The following ITGBL1 variants were observed in gnomAD, a reference collection of about 807,000 sequenced individuals.
ITGBL1 encodes integrin subunit beta like 1.
A neutral mutation model predicts 68.5 loss-of-function variants in ITGBL1; 51 were observed. That is an observed-to-expected ratio of 0.74 (90% CI 0.59 to 0.94). The LOEUF is 0.94. Ranked by LOEUF, ITGBL1 falls within the 40% of genes least tolerant of loss-of-function variation. The probability of loss-of-function intolerance (pLI) is 0.00; values close to 1 mark genes in which losing one functional copy is unlikely to be tolerated. For synonymous variants in ITGBL1, 209 were observed against 227.3 expected, an observed-to-expected ratio of 0.92 and a Z score of 0.72; for missense variants, 649 against 647.4, an observed-to-expected ratio of 1.00 and a Z score of -0.03.
At position 101,598,315 on chromosome 13, in the gene ITGBL1, C is replaced by T; in HGVS notation, c.1015+16C>T. 1 of 1,572,234 alleles carries T rather than the reference C, an allele frequency of 6.4e-7. No individual in the cohort carries two copies. Among genetic ancestry groups the T allele is most frequent in the Non-Finnish European group, 8.6e-7 (1 of 1,160,544 alleles). On this transcript the variant is annotated intron_variant, in intron 7 of 10. Transcript: ENST00000376180. ...TCTGGGAGGGGTAAGTGAGGTCTCT[C>T]AGGGCTTCCCACGGCCTCTCCATCA...
chr13:101,595,892 G>A (rs2029931612), intron 6 of ITGBL1, among the ~76,000 whole-genome samples: 1 of 152,114 alleles, frequency 6.6e-6, no homozygotes, highest in Non-Finnish European at 1.5e-5. Context: ...GCACTCCCAT[G>A]GTCACTGCAG....
At chr13:101,659,040 T>TTTTC in intron 7 of ITGBL1, among the ~76,000 whole-genome samples, 1 of 19,094 alleles carries the variant, frequency 5.2e-5, no homozygotes, top group East Asian at 7.6e-3. Flanking sequence ...GGTGATTGAA[T>TTTTC]TTTTTTTTTT....
At chr13:101,658,174 A>G (rs2032983970) in intron 7 of ITGBL1, among the ~76,000 whole-genome samples, 1 of 152,234 alleles carries the variant, frequency 6.6e-6, no homozygotes, top group Admixed American at 6.5e-5. Context: ...AAACAATGCC[A>G]TATTTTGGGA....
At chr13:101,479,534 G>A (rs903946184) in intron 2 of ITGBL1, among the ~76,000 whole-genome samples, 1 of 151,684 alleles carries the variant, frequency 6.6e-6, no homozygotes, top group African/African-American at 2.4e-5. Flanking sequence ...CCACAGAATA[G>A]GATAAAATAT....
At chr13:101,555,281 T>C (rs1411450491) in intron 2 of ITGBL1, among the ~76,000 whole-genome samples, 1 of 152,222 alleles carries the variant, frequency 6.6e-6, no homozygotes, top group African/African-American at 2.4e-5. Flanking sequence ...TATATAGGCA[T>C]ATTTTACGTC....
At chr13:101,691,628 C>T (rs1006136379) in intron 7 of ITGBL1, among the ~76,000 whole-genome samples, 12 of 152,132 alleles carry the variant, frequency 7.9e-5, no homozygotes, top group African/African-American at 2.4e-4. Context: ...AGTAGTGATT[C>T]CTCAAACAAA....
At chr13:101,487,552 A>G (rs2048718572) in intron 2 of ITGBL1, among the ~76,000 whole-genome samples, 2 of 152,250 alleles carry the variant, frequency 1.3e-5, no homozygotes, top group Non-Finnish European at 2.9e-5. Context: ...TCAGGAATAT[A>G]TAGAGTTATC....
rs548543862 is a variant in ITGBL1 at position 101,471,568 on chromosome 13, G to A, written c.316+17468G>A. 7.6e-3 allele frequency among the ~76,000 whole-genome samples: 1,106 copies of A among 144,718 alleles called. 10 individuals are homozygous for A. Among genetic ancestry groups the A allele is most frequent in the Non-Finnish European group, 8.9e-3 (594 of 66,424 alleles). The allele number at this position is 144,718 out of a possible 152,430, so 94.9% of individuals were successfully genotyped here. A position where few individuals can be genotyped will look rare whatever the true frequency, so the allele number is the denominator to read the frequency against. ...TGTGTGTGTGTGTGTGTGTGTGTGTGTATATATATTTCTCACTCTTGGGTG... is the reference window on the plus strand; with the variant it reads ...TGTGTGTGTGTGTGTGTGTGTGTGTATATATATATTTCTCACTCTTGGGTG... On this transcript the variant is annotated intron_variant, in intron 2 of 10. Transcript: ENST00000376180.
chr13:101,465,757 T>G (rs1265943560), intron 2 of ITGBL1, among the ~76,000 whole-genome samples: 1 of 152,164 alleles, frequency 6.6e-6, no homozygotes, highest in Non-Finnish European at 1.5e-5. Context: ...AGAGAAGGTA[T>G]GAGGTTGAGG....
At chr13:101,673,048 G>A (rs766141804) in intron 7 of ITGBL1, among the ~76,000 whole-genome samples, 10 of 152,172 alleles carry the variant, frequency 6.6e-5, no homozygotes, top group Admixed American at 1.3e-4. Context: ...CCAAACTGTC[G>A]AATGCTGTAA....
rs949932056 is a variant in ITGBL1, at chr13:101,501,768, C to T, written c.316+47668C>T. Among the ~76,000 whole-genome samples, 5 of 152,068 alleles carry T rather than the reference C, an allele frequency of 3.3e-5. No homozygotes were observed. In the South Asian group the frequency reaches 1.0e-3, roughly 32 times the overall value. On this transcript the variant is annotated intron_variant, in intron 2 of 10. Transcript: ENST00000376180. Reference sequence around the variant, plus strand: ...ACTATAATGTTGATTGTTGTGTTCCCATAAGGTCAGCACATCTCCAAGGTC... The same window carrying T: ...ACTATAATGTTGATTGTTGTGTTCCTATAAGGTCAGCACATCTCCAAGGTC...
chr13:101,531,719 A>T (rs901383388), intron 2 of ITGBL1, among the ~76,000 whole-genome samples: 1 of 143,154 alleles, frequency 7.0e-6, no homozygotes, highest in Non-Finnish European at 1.5e-5. Flanking sequence ...TTATTTATTT[A>T]TTTATTTATT....
At chr13:101,707,922 A>G (rs964787184) in intron 9 of ITGBL1, among the ~76,000 whole-genome samples, 2 of 151,920 alleles carry the variant, frequency 1.3e-5, no homozygotes, top group African/African-American at 4.8e-5. Context: ...GTTATAACCT[A>G]CAAGTTGGTT....
At chr13:101,621,508 C>T (rs1188554369) in intron 7 of ITGBL1, among the ~76,000 whole-genome samples, 2 of 151,874 alleles carry the variant, frequency 1.3e-5, no homozygotes, top group Non-Finnish European at 2.9e-5. Context: ...TTTTTTCTCC[C>T]ACTTAAAAAG....
chr13:101,540,514 T>C (rs1428281081), intron 2 of ITGBL1, among the ~76,000 whole-genome samples: 5 of 152,202 alleles, frequency 3.3e-5, no homozygotes, highest in Non-Finnish European at 7.3e-5. Context: ...TCTTTTGACT[T>C]AGGATTGACT....
chr13:101,633,887 C>T (rs1056695899), intron 7 of ITGBL1, among the ~76,000 whole-genome samples: 12 of 152,092 alleles, frequency 7.9e-5, no homozygotes, highest in African/African-American at 2.9e-4. Context: ...CATAATTTTT[C>T]TCAAATCATA....
At chr13:101,697,703 A>G (rs1001935154) in intron 8 of ITGBL1, among the ~76,000 whole-genome samples, 1 of 152,168 alleles carries the variant, frequency 6.6e-6, no homozygotes, top group Non-Finnish European at 1.5e-5. Context: ...GTTTACTCCT[A>G]TATACAATAA....
chr13:101,465,802 C>T (rs1370995804), intron 2 of ITGBL1, among the ~76,000 whole-genome samples: 1 of 152,094 alleles, frequency 6.6e-6, no homozygotes, highest in Admixed American at 6.5e-5. Flanking sequence ...TTTGTAGGGG[C>T]TCAGTAAATA....
intron 7 of ITGBL1, among the ~76,000 whole-genome samples, chr13:101,613,934 A>G (rs2031243685): frequency 6.6e-6 from 1 of 152,010 alleles, no homozygotes; most frequent in East Asian, 1.9e-4. Flanking sequence ...CCTACTTCCC[A>G]CTGAGCAAAC....
Sources: allele counts gnomAD v4.1 joint callset (sites outside exome capture counted in the v4.1 genomes callset), GRCh38; gene constraint gnomAD v4.1.1; transcripts MANE v1.5; gene names NCBI Gene and HGNC (gene_info 2026-07-23, HGNC 2026-07-21).